ADGRL3: variants seen among roughly 807,000 people sequenced by gnomAD.
ADGRL3 encodes the protein calcium-independent alpha-latrotoxin receptor 3.
Under a neutral mutation model 153.5 loss-of-function variants are expected in ADGRL3, and 62 were observed. The ratio of observed to expected loss-of-function variants is 0.40; its 90% CI spans 0.33 to 0.50. The LOEUF (loss-of-function observed/expected upper bound fraction) is 0.50, where lower values mean the gene tolerates loss of function less well. ADGRL3 is among the 20% of genes least tolerant of loss of function. The pLI is 0.47. For synonymous variants in ADGRL3, 710 were observed against 672.5 expected (o/e 1.06, Z -0.86); for missense variants, 1,641 against 1,859.4 (o/e 0.88, Z 2.16).
chr4:61,959,885 C>A (rs540162299), intron 17 of ADGRL3, among the ~76,000 whole-genome samples: 1 of 152,020 alleles, frequency 6.6e-6, no homozygotes, highest in Non-Finnish European at 1.5e-5. Context: ...ATTTTGCTAT[C>A]TATAGTATGG....
intron 6 of ADGRL3, among the ~76,000 whole-genome samples, chr4:61,729,505 T>C (rs779432983): frequency 6.6e-5 from 10 of 151,992 alleles, no homozygotes; most frequent in Non-Finnish European, 1.5e-4. Flanking sequence ...TCACTTGTTT[T>C]TGAAACCTTA....
At chr4:61,700,462 G>A (rs1319728860) in intron 6 of ADGRL3, among the ~76,000 whole-genome samples, 2 of 152,140 alleles carry the variant, frequency 1.3e-5, no homozygotes, top group Non-Finnish European at 2.9e-5. Flanking sequence ...TAATATAGCA[G>A]TTGCCTTCAG....
intron 17 of ADGRL3, among the ~76,000 whole-genome samples, chr4:61,971,947 A>G (rs372841380): frequency 2.6e-5 from 4 of 152,082 alleles, no homozygotes; most frequent in South Asian, 4.2e-4. Context: ...TGGCTGCACA[A>G]ATGTCTTCTT....
intron 24 of ADGRL3, among the ~76,000 whole-genome samples, chr4:62,039,565 G>C (rs1040693826): frequency 6.6e-6 from 1 of 152,130 alleles, no homozygotes; most frequent in African/African-American, 2.4e-5. Context: ...CACTGAGGTT[G>C]TAAAGTTGCA....
At chr4:61,250,720 T>A (rs148506872) in intron 1 of ADGRL3, among the ~76,000 whole-genome samples, 1 of 152,336 alleles carries the variant, frequency 6.6e-6, no homozygotes, top group East Asian at 1.9e-4. Flanking sequence ...TCAAATGAGC[T>A]GTGTGTTACT....
intron 5 of ADGRL3, among the ~76,000 whole-genome samples, chr4:61,650,715 A>G (rs927408607): frequency 6.6e-6 from 1 of 152,106 alleles, no homozygotes; most frequent in Non-Finnish European, 1.5e-5. Context: ...ATAATTTGAC[A>G]GAGGTCTTTA....
intron 7 of ADGRL3, among the ~76,000 whole-genome samples, chr4:61,731,978 G>T (rs554300320): frequency 6.6e-6 from 1 of 152,104 alleles, no homozygotes; most frequent in Non-Finnish European, 1.5e-5. Flanking sequence ...GGGTTTTAAT[G>T]CTCTTCTCAT....
intron 25 of ADGRL3, among the ~76,000 whole-genome samples, chr4:62,050,494 C>G (rs1264414394): frequency 6.6e-6 from 1 of 151,896 alleles, no homozygotes; most frequent in Non-Finnish European, 1.5e-5. Flanking sequence ...ATTGTCTTTC[C>G]CAGGAGGTTG....
intron 21 of ADGRL3, among the ~76,000 whole-genome samples, chr4:62,015,280 T>C (rs2099206340): frequency 6.6e-6 from 1 of 152,206 alleles, no homozygotes; most frequent in Non-Finnish European, 1.5e-5. Flanking sequence ...TTAGCATGCA[T>C]TCTGCAATAC....
intron 1 of ADGRL3, among the ~76,000 whole-genome samples, chr4:61,379,075 A>G (rs2096637818): frequency 6.6e-6 from 1 of 152,016 alleles, no homozygotes; most frequent in East Asian, 1.9e-4. Context: ...AATAGAGATG[A>G]AAAAACAATC....
intron 9 of ADGRL3, among the ~76,000 whole-genome samples, chr4:61,877,443 G>A (rs1490543829): frequency 6.6e-6 from 1 of 152,180 alleles, no homozygotes; most frequent in East Asian, 1.9e-4. Flanking sequence ...TTCTTTAATA[G>A]TGATGAAACA....
At chr4:61,470,308 A>G (rs1053729643) in intron 2 of ADGRL3, among the ~76,000 whole-genome samples, 18 of 151,902 alleles carry the variant, frequency 1.2e-4, no homozygotes, top group Admixed American at 9.9e-4. Context: ...ATTCCAGGTA[A>G]TATTTTGTAT....
chr4:61,251,107 C>A (rs184363654), intron 1 of ADGRL3, among the ~76,000 whole-genome samples: 1 of 152,246 alleles, frequency 6.6e-6, no homozygotes, highest in Non-Finnish European at 1.5e-5. Context: ...AATTATGTGG[C>A]AGAATTTGGA....
chr4:61,264,680 C>A (rs533331647), intron 1 of ADGRL3, among the ~76,000 whole-genome samples: 2 of 151,880 alleles, frequency 1.3e-5, no homozygotes, highest in Non-Finnish European at 2.9e-5. Context: ...CTCTATCAAA[C>A]GTGCCCTTTA....
At chr4:61,979,174 G>A (rs914855437) in intron 17 of ADGRL3, among the ~76,000 whole-genome samples, 1 of 152,102 alleles carries the variant, frequency 6.6e-6, no homozygotes, top group African/African-American at 2.4e-5. Flanking sequence ...GCTTAAAATT[G>A]TAAATAGTAT....
intron 1 of ADGRL3, among the ~76,000 whole-genome samples, chr4:61,368,262 T>G (rs1245797610): frequency 6.6e-6 from 1 of 152,216 alleles, no homozygotes; most frequent in East Asian, 1.9e-4. Context: ...TTTGTCAATT[T>G]TGGCTTTTGT....
rs1283485310 is a variant in ADGRL3 at position 61,442,971 on chromosome 4, G to A, written c.-173-54150G>A. The stretch of plus-strand genomic sequence containing the variant: ...AATTTTTCAATTTGAATTAATTTTT[G>A]TTCTAAGTTATGTTTAATATAATGT... On this transcript the variant is annotated intron_variant, in intron 2 of 26. Transcript: ENST00000683033. 2.0e-5 allele frequency among the ~76,000 whole-genome samples: 3 copies of A among 152,010 alleles called. No homozygotes were observed. In the East Asian group the frequency reaches 5.8e-4, roughly 29 times the overall value.
At chr4:61,847,779 C>CAAAATATATTATATATATATAATAT (rs2098140032) in intron 9 of ADGRL3, among the ~76,000 whole-genome samples, 1 of 21,960 alleles carries the variant, frequency 4.6e-5, no homozygotes, top group African/African-American at 2.0e-4. Flanking sequence ...ATATATAATA[C>CAAAATATATTATATATATATAATAT]AAAATATATT....
intron 25 of ADGRL3, among the ~76,000 whole-genome samples, chr4:62,053,322 G>C (rs2151783447): frequency 6.6e-6 from 1 of 151,626 alleles, no homozygotes; most frequent in Non-Finnish European, 1.5e-5. Context: ...GATTAAATTA[G>C]CTCCTGTTGA....
Sources: allele counts gnomAD v4.1 joint callset (sites outside exome capture counted in the v4.1 genomes callset), GRCh38; gene constraint gnomAD v4.1.1; transcripts MANE v1.5; gene names NCBI Gene and HGNC (gene_info 2026-07-23, HGNC 2026-07-21).